The following PDSS2 variants were observed in gnomAD, a reference collection of about 807,000 sequenced individuals.
The protein encoded by PDSS2 is decaprenyl diphosphate synthase subunit 2.
In PDSS2, 31 loss-of-function variants were observed where a neutral mutation model predicts 44.5. The ratio of observed to expected loss-of-function variants is 0.70; its 90% CI spans 0.52 to 0.94. The LOEUF (loss-of-function observed/expected upper bound fraction) is 0.94, where lower values mean the gene tolerates loss of function less well. PDSS2 is among the 40% of genes least tolerant of loss of function. The pLI is 0.00. For missense variants in PDSS2, 452 were observed against 482.2 expected (o/e 0.94, Z 0.59); for synonymous variants, 157 against 180.3 (o/e 0.87, Z 1.03).
At chr6:107,226,260 C>T (rs949523628) in intron 4 of PDSS2, among the ~76,000 whole-genome samples, 6 of 152,154 alleles carry the variant, frequency 3.9e-5, no homozygotes, top group African/African-American at 1.4e-4. Flanking sequence ...AGCAGTGAGC[C>T]GAGATTGCGC....
rs368485073 is a variant in PDSS2, at chr6:107,193,844, T to C, written c.1019A>G (p.Lys340Arg). The C allele has an allele frequency of 1.3e-6, 2 of 1,568,214 alleles. No individual in the cohort carries two copies. Among genetic ancestry groups the C allele is most frequent in the Non-Finnish European group, 1.8e-6 (2 of 1,138,208 alleles). The change falls in exon 7 of 8, where the codon AAA becomes AGA. Residue 340 changes from lysine to arginine, a missense_variant. Lys to Arg is a conservative substitution (Grantham distance 26). Coordinates refer to ENST00000369037, the MANE Select transcript of PDSS2 (RefSeq NM_020381.4). ...TACCTTAGCATAGTCCAATCTTCCT[T>C]TTTCTTGAGCCTACAAAAGAAGAGG... ...WIKQIGEAQE[K>R]GRLDYAKLRE...
At chr6:107,159,303 A>G (rs1582710779) in intron 7 of PDSS2, among the ~76,000 whole-genome samples, 1 of 99,270 alleles carries the variant, frequency 1.0e-5, no homozygotes, top group South Asian at 3.8e-4. Flanking sequence ...GGAGGGAGGG[A>G]GGGAGGCGGA....
At chr6:107,157,436 T>A (rs967669299) in intron 7 of PDSS2, among the ~76,000 whole-genome samples, 2 of 152,136 alleles carry the variant, frequency 1.3e-5, no homozygotes, top group Non-Finnish European at 2.9e-5. Flanking sequence ...TCCTCCTGCC[T>A]CAGCCTCCCA....
intron 3 of PDSS2, among the ~76,000 whole-genome samples, chr6:107,259,105 T>C (rs1169079234): frequency 6.6e-6 from 1 of 152,194 alleles, no homozygotes; most frequent in African/African-American, 2.4e-5. Context: ...TGGGTTAATA[T>C]AGATAAAGCA....
chr6:107,285,791 T>C (rs1027208841), intron 2 of PDSS2, among the ~76,000 whole-genome samples: 3 of 151,988 alleles, frequency 2.0e-5, no homozygotes, highest in African/African-American at 4.8e-5. Flanking sequence ...CTTATGGACA[T>C]GGGGTGAGAT....
intron 2 of PDSS2, among the ~76,000 whole-genome samples, chr6:107,282,433 C>A (rs1775992409): frequency 6.6e-6 from 1 of 152,080 alleles, no homozygotes; most frequent in African/African-American, 2.4e-5. Flanking sequence ...CACTCTGTAG[C>A]CCAGGCTGGA....
At chr6:107,225,157 A>ATTT (rs1562389324) in intron 4 of PDSS2, among the ~76,000 whole-genome samples, 1 of 30,586 alleles carries the variant, frequency 3.3e-5, no homozygotes, top group Non-Finnish European at 5.0e-5. Flanking sequence ...ATATATATAT[A>ATTT]TATATTTTTT....
intron 2 of PDSS2, among the ~76,000 whole-genome samples, chr6:107,326,962 CGATGACTTTACTT>C (rs1484764730): frequency 6.6e-6 from 1 of 152,116 alleles, no homozygotes; most frequent in African/African-American, 2.4e-5. Flanking sequence ...GAAATGCCAA[CGATGACTTTACTT>C]CTCATTCAAT....
intron 4 of PDSS2, among the ~76,000 whole-genome samples, chr6:107,228,695 AAAAT>A (rs61470983): frequency 0.071 from 10,056 of 141,000 alleles, 411 homozygotes; most frequent in African/African-American, 0.11. Context: ...ACTCTATCTC[AAAAT>A]AAATAAATAA....
At position 107,403,460 on chromosome 6, in the gene PDSS2, G is replaced by A. The variant is rs555963035; in HGVS notation, c.296+55530C>T. Among the ~76,000 whole-genome samples, 26 of 152,336 alleles carry A rather than the reference G, an allele frequency of 1.7e-4. No homozygotes were observed. The South Asian group carries it at 5.4e-3, about 32-fold the overall frequency. On this transcript the variant is annotated intron_variant, in intron 1 of 7. Transcript: ENST00000369037. ...CTACCATTCTGGTGTCTAGAGGATG[G>A]TGACCCTCTTCTCACAGCTCCATTA...
chr6:107,458,573 CCTCT>C (rs528322261), intron 1 of PDSS2, among the ~76,000 whole-genome samples: 1 of 151,272 alleles, frequency 6.6e-6, no homozygotes, highest in Non-Finnish European at 1.5e-5. Context: ...CTACCTTCAG[CCTCT>C]CTCTCTCTCC....
intron 4 of PDSS2, among the ~76,000 whole-genome samples, chr6:107,220,553 A>G (rs2114676564): frequency 6.6e-6 from 1 of 150,738 alleles, no homozygotes; most frequent in East Asian, 2.0e-4. Flanking sequence ...GAATGTATAG[A>G]TAATTCTATT....
intron 1 of PDSS2, among the ~76,000 whole-genome samples, chr6:107,350,375 C>A (rs1211451315): frequency 6.7e-6 from 1 of 148,302 alleles, no homozygotes; most frequent in Non-Finnish European, 1.5e-5. Context: ...AATATGGCAT[C>A]ATTAGCTCAA....
At chr6:107,376,005 T>C (rs1416890861) in intron 1 of PDSS2, among the ~76,000 whole-genome samples, 1 of 152,196 alleles carries the variant, frequency 6.6e-6, no homozygotes, top group African/African-American at 2.4e-5. Context: ...AGAGCACCAT[T>C]TATTAAATAG....
rs147993177 is a variant in PDSS2, at chr6:107,328,927, CA to C, written c.431+5270del. ...TGCTAACAAGAAAAAGGCATGAAATCAAAGGACCCAGTGGGTTCAGGTCTGG... is the reference window on the plus strand; with the variant it reads ...TGCTAACAAGAAAAAGGCATGAAATCAAGGACCCAGTGGGTTCAGGTCTGG... On this transcript the variant is annotated intron_variant, in intron 2 of 7. Transcript: ENST00000369037. 6.4e-3 allele frequency among the ~76,000 whole-genome samples: 982 copies of C among 152,276 alleles called. 14 individuals carry two copies. The highest frequency in any genetic ancestry group is 0.023 in the African/African-American group (946 of 41,554).
At chr6:107,399,068 C>T (rs1780031099) in intron 1 of PDSS2, among the ~76,000 whole-genome samples, 1 of 152,212 alleles carries the variant, frequency 6.6e-6, no homozygotes, top group African/African-American at 2.4e-5. Flanking sequence ...ACATATACCA[C>T]CTGCCAAACA....
intron 2 of PDSS2, among the ~76,000 whole-genome samples, chr6:107,285,820 AG>A (rs1168413412): frequency 1.3e-5 from 2 of 152,178 alleles, no homozygotes; most frequent in Non-Finnish European, 2.9e-5. Flanking sequence ...AAAACAGAAT[AG>A]GAACTCAGGA....
At chr6:107,330,181 A>G (rs1376449723) in intron 2 of PDSS2, among the ~76,000 whole-genome samples, 1 of 152,132 alleles carries the variant, frequency 6.6e-6, no homozygotes, top group Non-Finnish European at 1.5e-5. Context: ...TTCATCTTGA[A>G]TGGGTCACTT....
At chr6:107,309,530 C>T (rs894672086) in intron 2 of PDSS2, among the ~76,000 whole-genome samples, 3 of 152,146 alleles carry the variant, frequency 2.0e-5, no homozygotes, top group African/African-American at 7.2e-5. Context: ...AGGTCTTGGC[C>T]TACCTTAAGC....
Sources: gnomAD v4.1 joint callset for allele counts (sites outside exome capture counted in the v4.1 genomes callset) on GRCh38, gnomAD v4.1.1 for gene constraint, MANE v1.5 for transcripts, NCBI Gene and HGNC (gene_info 2026-07-23, HGNC 2026-07-21) for gene names.